NUP98: variants seen among roughly 807,000 people sequenced by gnomAD.
NUP98 encodes nuclear pore complex protein Nup98-Nup96.
In NUP98, 26 loss-of-function variants were observed where a neutral mutation model predicts 191.9. The observed-to-expected ratio is 0.14, with a 90% confidence interval of 0.10 to 0.19. The LOEUF is 0.19. NUP98 is among the 10% of genes least tolerant of loss of function. The pLI, the probability that NUP98 is intolerant of heterozygous loss-of-function variation, is 1.00. For synonymous variants in NUP98, 808 were observed against 778.4 expected (o/e 1.04, Z -0.63); for missense variants, 1,941 against 2,178.8 (o/e 0.89, Z 2.17).
intron 8 of NUP98, among the ~76,000 whole-genome samples, chr11:3,766,948 G>C (rs1159020018): frequency 1.3e-5 from 2 of 152,000 alleles, no homozygotes; most frequent in Non-Finnish European, 2.9e-5. Flanking sequence ...ACTTAGTCAT[G>C]GATTATGATC....
intron 1 of NUP98, among the ~76,000 whole-genome samples, chr11:3,783,083 A>G (rs2082028967): frequency 6.6e-6 from 1 of 151,900 alleles, no homozygotes; most frequent in Non-Finnish European, 1.5e-5. Context: ...TTACAGAAAA[A>G]CCTTTGATGA....
intron 2 of NUP98, among the ~76,000 whole-genome samples, chr11:3,779,982 T>G (rs972749237): frequency 6.6e-5 from 10 of 151,954 alleles, no homozygotes; most frequent in African/African-American, 2.4e-4. Context: ...TCAGAAAAAT[T>G]AGTGACACTC....
chr11:3,710,910 G>A (rs1041316678), intron 20 of NUP98, among the ~76,000 whole-genome samples: 1 of 152,132 alleles, frequency 6.6e-6, no homozygotes, highest in Non-Finnish European at 1.5e-5. Context: ...CAACCAAAAG[G>A]TCAAAGACCA....
At chr11:3,691,313 A>T (rs746881457) in intron 28 of NUP98, 34 bp downstream of exon 28, 1 of 1,613,404 alleles carries the variant, frequency 6.2e-7, no homozygotes, top group Non-Finnish European at 8.5e-7. Flanking sequence ...CTCATGGAGC[A>T]CTCAAGTGAC....
chr11:3,682,826 A>G (rs35472255), intron 30 of NUP98, among the ~76,000 whole-genome samples: 1,915 of 152,338 alleles, frequency 0.013, 15 homozygotes, highest in South Asian at 0.03. Flanking sequence ...TGCAAAGTAC[A>G]ACAAAATGAG....
At position 3,702,746 on chromosome 11, in the gene NUP98, C is replaced by A; in HGVS notation, c.3229G>T (p.Val1077Leu). Residue 1077 changes from valine to leucine, a missense_variant, in exon 23 of 33, where the codon GTG (valine) becomes TTG (leucine). Val to Leu is a conservative substitution (Grantham distance 32, BLOSUM62 1). Transcript: ENST00000324932. ...SWSVPPPLTS[V>L]FTMPSPAPEV... ...GGGGCTGGGCTGGGCATTGTGAACA[C>A]AGAAGTCAGGGGTGGAGGGACAGAC... 1 of 1,614,118 alleles carries A rather than the reference C, an allele frequency of 6.2e-7. No homozygotes were observed. The highest frequency in any genetic ancestry group is 8.5e-7 in the Non-Finnish European group (1 of 1,180,022).
At chr11:3,730,610 C>T (rs1323332489) in intron 14 of NUP98, among the ~76,000 whole-genome samples, 2 of 152,158 alleles carry the variant, frequency 1.3e-5, no homozygotes, top group African/African-American at 2.4e-5. Context: ...GTGATCCACC[C>T]ACCTCGGCCA....
chr11:3,683,890 C>G (rs2078055783), intron 29 of NUP98, among the ~76,000 whole-genome samples: 1 of 152,092 alleles, frequency 6.6e-6, no homozygotes, highest in Admixed American at 6.5e-5. Context: ...CAAAGGTGAT[C>G]TCACACCGGT....
At chr11:3,753,527 G>A (rs1387840814) in intron 10 of NUP98, 119 bp from the exon 11 acceptor site, 9 of 695,900 alleles carry the variant, frequency 1.3e-5, no homozygotes, top group Non-Finnish European at 1.9e-5. Flanking sequence ...TTAATATTTA[G>A]GACTCCTAAC....
In NUP98 at chr11:3,724,436, C is replaced by CA. The variant is rs71041381; in HGVS notation, c.1847+666dup. ...GGGTAATAAGAGCAAAACTCCATCT[C>CA]AAAAAAAAAAAATAAATAAATAAAT... On this transcript the variant is annotated intron_variant, in intron 15 of 32. Transcript: ENST00000324932. Among the ~76,000 whole-genome samples the CA allele has an allele frequency of 5.1e-4, 56 of 109,572 alleles. No individual in the cohort carries two copies. The East Asian group carries it at 5.7e-3, about 11-fold the overall frequency. 71.9% of individuals were successfully genotyped at this position (109,572 alleles called of 152,430 possible). A position where few individuals can be genotyped will look rare whatever the true frequency, so the allele number is the denominator to read the frequency against.
At chr11:3,698,876 G>C in intron 25 of NUP98, 1 of 598,604 alleles carries the variant, frequency 1.7e-6, no homozygotes, top group Non-Finnish European at 2.9e-6. Context: ...TCTCTGTTTA[G>C]GACCTTAAAC....
intron 19 of NUP98, 105 bp from the exon 20 acceptor site, chr11:3,712,833 G>T (rs2079061071): frequency 8.3e-7 from 1 of 1,206,322 alleles, no homozygotes; most frequent in Admixed American, 2.4e-5. Flanking sequence ...AAGAAAAGGG[G>T]AGAAATATCT....
chr11:3,795,377 T>C (rs2082493345), intron 1 of NUP98, among the ~76,000 whole-genome samples: 1 of 152,202 alleles, frequency 6.6e-6, no homozygotes, highest in East Asian at 1.9e-4. Flanking sequence ...GCCCAGGAGG[T>C]AGAGGCTACT....
chr11:3,763,801 G>C (rs1325570479), intron 8 of NUP98, among the ~76,000 whole-genome samples: 1 of 152,156 alleles, frequency 6.6e-6, no homozygotes, highest in Non-Finnish European at 1.5e-5. Context: ...ACCTGCCTCA[G>C]CCTCCCAAAA....
At chr11:3,776,903 T>G (rs1329001842) in intron 4 of NUP98, among the ~76,000 whole-genome samples, 1 of 152,202 alleles carries the variant, frequency 6.6e-6, no homozygotes, top group Non-Finnish European at 1.5e-5. Flanking sequence ...AAGGTCACAC[T>G]TGGAAGACAA....
intron 4 of NUP98, among the ~76,000 whole-genome samples, chr11:3,777,804 A>C (rs878980110): frequency 6.6e-6 from 1 of 152,144 alleles, no homozygotes; most frequent in Admixed American, 6.6e-5. Flanking sequence ...TATAGTTTAA[A>C]GCAAACAGGC....
chr11:3,753,962 T>G (rs1042001211), intron 10 of NUP98, among the ~76,000 whole-genome samples: 1 of 150,452 alleles, frequency 6.6e-6, no homozygotes, highest in African/African-American at 2.4e-5. Flanking sequence ...AATAAATAAA[T>G]AAATAAAATA....
chr11:3,751,150 G>A (rs2080734686), intron 11 of NUP98, among the ~76,000 whole-genome samples: 1 of 152,138 alleles, frequency 6.6e-6, no homozygotes, highest in South Asian at 2.1e-4. Flanking sequence ...CCTGAGGTCA[G>A]GGGTTTGAGA....
chr11:3,776,069 A>T, intron 4 of NUP98, 48 bp from the exon 5 acceptor site: 1 of 1,457,064 alleles, frequency 6.9e-7, no homozygotes, highest in Non-Finnish European at 9.5e-7. Flanking sequence ...GAAATTTAAG[A>T]ATGTATAAGA....
Sources: allele counts gnomAD v4.1 joint callset (sites outside exome capture counted in the v4.1 genomes callset), GRCh38; gene constraint gnomAD v4.1.1; transcripts MANE v1.5; gene names NCBI Gene and HGNC (gene_info 2026-07-23, HGNC 2026-07-21).